CIROP: variants seen among roughly 807,000 people sequenced by gnomAD.
CIROP encodes leishmanolysin homolog.
the CIROP span, chr14:23,100,765 G>A: frequency 2.5e-6 from 1 of 398,838 alleles, no homozygotes; most frequent in Non-Finnish European, 4.4e-6. Flanking sequence ...TTAAGAGTGG[G>A]ATGAACAAGT....
chr14:23,099,471 G>T, the CIROP span: 1 of 413,374 alleles, frequency 2.4e-6, no homozygotes, highest in Non-Finnish European at 4.4e-6. Flanking sequence ...AGGGATTATG[G>T]TCTGAAGTAA....
the CIROP span, chr14:23,102,615 T>C: frequency 1.4e-6 from 1 of 703,054 alleles, no homozygotes; most frequent in Admixed American, 2.0e-5. Context: ...CTTAACCTCA[T>C]TCCTCTCATT....
At chr14:23,100,828 G>A in the CIROP span, 1 of 398,924 alleles carries the variant, frequency 2.5e-6, no homozygotes, top group East Asian at 3.6e-5. Context: ...TTGGCCCATT[G>A]TATAAATACT....
chr14:23,103,415 ATGG>A, the CIROP span: 1 of 403,992 alleles, frequency 2.5e-6, no homozygotes, highest in African/African-American at 2.1e-5. Context: ...TTAGCCGGAC[ATGG>A]TGGTGCATGC....
the CIROP span, chr14:23,099,557 CTTTTTT>C: frequency 1.2e-4 from 38 of 308,558 alleles, no homozygotes; most frequent in South Asian, 5.4e-4. Flanking sequence ...GCGGCATTAC[CTTTTTT>C]TTTTTTTTTT....
the CIROP span, chr14:23,099,138 C>T: frequency 2.4e-6 from 1 of 410,518 alleles, no homozygotes; most frequent in Non-Finnish European, 4.4e-6. Context: ...ACCCTTTTTT[C>T]ATTGCCAGGC....
chr14:23,101,241 C>G, the CIROP span: 1 of 449,986 alleles, frequency 2.2e-6, no homozygotes. Flanking sequence ...ACAAGTATTT[C>G]CCGACTTCTT....
the CIROP span, chr14:23,099,570 T>TC: frequency 4.9e-6 from 2 of 406,232 alleles, no homozygotes; most frequent in South Asian, 2.9e-4. Context: ...TTTTTTTTTT[T>TC]TTTTTTGGAG....
the CIROP span, chr14:23,101,180 G>T: frequency 9.7e-6 from 4 of 411,780 alleles, no homozygotes; most frequent in Admixed American, 1.2e-4. Context: ...GACTCAGTGG[G>T]TACTTAGGAA....
the CIROP span, chr14:23,103,584 A>AAACAAAAC: frequency 1.6e-6 from 1 of 629,244 alleles, no homozygotes; most frequent in Non-Finnish European, 2.9e-6. Flanking sequence ...AAACAAAACA[A>AAACAAAAC]AACAAAACTG....
At chr14:23,103,577 C>CAAAACAA in the CIROP span, 1 of 621,938 alleles carries the variant, frequency 1.6e-6, no homozygotes, top group African/African-American at 1.8e-5. Context: ...TAAAACAAAA[C>CAAAACAA]AAAACAAAAC....
At chr14:23,101,032 A>G in the CIROP span, 1 of 399,322 alleles carries the variant, frequency 2.5e-6, no homozygotes, top group Non-Finnish European at 4.4e-6. Flanking sequence ...CATTAGTCTG[A>G]CACAGCCGAC....
At chr14:23,103,876 A>G in the CIROP span, 3 of 679,726 alleles carry the variant, frequency 4.4e-6, no homozygotes, top group Non-Finnish European at 8.1e-6. Flanking sequence ...GAAATTGGGT[A>G]TGAGGAGTAG....
chr14:23,099,699 A>G, the CIROP span: 1 of 345,630 alleles, frequency 2.9e-6, no homozygotes, highest in Non-Finnish European at 5.4e-6. Context: ...AGCTGGGACT[A>G]CAGGCGCACG....
At chr14:23,102,474 G>T in the CIROP span, 1 of 702,146 alleles carries the variant, frequency 1.4e-6, no homozygotes, top group East Asian at 2.7e-5. Flanking sequence ...TTGCCTTGTA[G>T]AACAGTTCTC....
chr14:23,102,286 G>A, the CIROP span: 2 of 702,596 alleles, frequency 2.8e-6, no homozygotes, highest in South Asian at 1.5e-5. Flanking sequence ...GTGGCAGATG[G>A]CTGGTTGTTA....
At chr14:23,104,174 C>G in the CIROP span, 2 of 599,778 alleles carry the variant, frequency 3.3e-6, no homozygotes, top group Admixed American at 2.9e-5. Context: ...CCTCTCTTTA[C>G]TATCTCTCTG....
chr14:23,100,219 C>T, the CIROP span: 1 of 263,504 alleles, frequency 3.8e-6, no homozygotes, highest in East Asian at 6.9e-5. Flanking sequence ...CACCCCACTG[C>T]ATTCCAGCCT....
the CIROP span, chr14:23,101,131 T>C: frequency 7.5e-6 from 3 of 402,382 alleles, no homozygotes; most frequent in Non-Finnish European, 4.4e-6. Flanking sequence ...GTTCAAGTCT[T>C]CCTTCTAAGG....
Sources: gnomAD v4.1 joint callset for allele counts on GRCh38, gnomAD v4.1.1 for gene constraint, MANE v1.5 for transcripts, NCBI Gene and HGNC (gene_info 2026-07-23, HGNC 2026-07-21) for gene names.